Variants in RALYL observed in about 807,000 individuals in gnomAD.
The protein encoded by RALYL is RNA-binding Raly-like protein.
In RALYL, 29 loss-of-function variants were observed where a neutral mutation model predicts 35.1. That is an observed-to-expected ratio of 0.83 (90% confidence interval 0.61 to 1.13). RALYL has a LOEUF of 1.13. Among genes scored for constraint, RALYL ranks in the 50% most tolerant of loss-of-function variants. RALYL has a pLI of 0.00. For synonymous variants in RALYL, 120 were observed against 127.6 expected (o/e 0.94, Z 0.40); for missense variants, 359 against 360.4 (o/e 1.00, Z 0.03).
chr8:84,423,362 G>A (rs1488850181), intron 1 of RALYL, among the ~76,000 whole-genome samples: 1 of 142,010 alleles, frequency 7.0e-6, no homozygotes, highest in African/African-American at 3.0e-5. Flanking sequence ...TCAGAGACTA[G>A]GATTGCAACC....
At chr8:84,371,393 A>C (rs566896873) in intron 1 of RALYL, among the ~76,000 whole-genome samples, 2 of 152,026 alleles carry the variant, frequency 1.3e-5, no homozygotes, top group African/African-American at 4.8e-5. Flanking sequence ...AAAAGCCACA[A>C]CAAAAAACTA....
intron 1 of RALYL, among the ~76,000 whole-genome samples, chr8:84,467,303 C>A (rs1067017): frequency 0.04 from 5,989 of 151,608 alleles, 154 homozygotes; most frequent in Middle Eastern, 0.075. Context: ...TCCCTCTACA[C>A]ACTGCTTTGA....
intron 4 of RALYL, among the ~76,000 whole-genome samples, chr8:84,815,089 A>G (rs912654303): frequency 1.3e-5 from 2 of 152,208 alleles, no homozygotes; most frequent in Non-Finnish European, 2.9e-5. Flanking sequence ...AATCTTCGAA[A>G]TGTAATGTCC....
At chr8:84,405,700 A>C (rs1480759592) in intron 1 of RALYL, among the ~76,000 whole-genome samples, 1 of 152,138 alleles carries the variant, frequency 6.6e-6, no homozygotes, top group Non-Finnish European at 1.5e-5. Context: ...AAGAGAATAG[A>C]ATTGTTTCTT....
intron 1 of RALYL, among the ~76,000 whole-genome samples, chr8:84,394,139 C>T (rs1861290139): frequency 6.6e-6 from 1 of 152,062 alleles, no homozygotes; most frequent in African/African-American, 2.4e-5. Flanking sequence ...CCTTATGTAA[C>T]ATGATTTCAA....
intron 1 of RALYL, among the ~76,000 whole-genome samples, chr8:84,362,832 T>C (rs1456923152): frequency 1.3e-5 from 2 of 152,128 alleles, no homozygotes; most frequent in African/African-American, 4.8e-5. Flanking sequence ...ATTGAAGGCT[T>C]TCTTATTTAA....
intron 1 of RALYL, among the ~76,000 whole-genome samples, chr8:84,202,651 C>T (rs556302251): frequency 1.3e-5 from 2 of 152,116 alleles, no homozygotes; most frequent in Non-Finnish European, 2.9e-5. Context: ...GGATTACAGG[C>T]GTGAGCCACC....
At chr8:84,314,778 T>C (rs982903301) in intron 1 of RALYL, among the ~76,000 whole-genome samples, 8 of 152,154 alleles carry the variant, frequency 5.3e-5, no homozygotes, top group African/African-American at 1.9e-4. Context: ...AAGCGAAATA[T>C]AACAAAATGA....
At position 84,717,924 on chromosome 8, in the gene RALYL, A is replaced by G. The variant is rs568778111; in HGVS notation, c.257-56655A>G. ...TGTAGCTTCATAACAAATAACTATC[A>G]TTGCCATATTTATGTGGTAATAAAA... On this transcript the variant is annotated intron_variant, in intron 2 of 8. Coordinates refer to ENST00000521268, the MANE Select transcript of RALYL (RefSeq NM_173848.7). 2.6e-5 allele frequency among the ~76,000 whole-genome samples: 4 copies of G among 152,230 alleles called. No homozygotes were observed. In the East Asian group the frequency reaches 7.7e-4, roughly 29 times the overall value.
chr8:84,707,786 C>T (rs914380145), intron 2 of RALYL, among the ~76,000 whole-genome samples: 1 of 151,850 alleles, frequency 6.6e-6, no homozygotes, highest in African/African-American at 2.4e-5. Flanking sequence ...CAAATAGAAT[C>T]CTTAAATGAA....
intron 2 of RALYL, among the ~76,000 whole-genome samples, chr8:84,666,292 T>TG (rs1285164340): frequency 1.3e-5 from 2 of 151,994 alleles, no homozygotes; most frequent in Non-Finnish European, 2.9e-5. Context: ...GATGCTCTAT[T>TG]GAAAAAGGGC....
At chr8:84,208,516 C>T (rs189006250) in intron 1 of RALYL, among the ~76,000 whole-genome samples, 2 of 152,152 alleles carry the variant, frequency 1.3e-5, no homozygotes, top group African/African-American at 4.8e-5. Flanking sequence ...TCGGAAGGAG[C>T]GTAAGCTTTC....
chr8:84,412,479 G>C (rs915257053), intron 1 of RALYL, among the ~76,000 whole-genome samples: 1 of 151,760 alleles, frequency 6.6e-6, no homozygotes, highest in African/African-American at 2.4e-5. Context: ...ACATTTTTTG[G>C]TCTGAAGAGA....
At chr8:84,895,508 G>GTGTT (rs1311637395) in intron 8 of RALYL, among the ~76,000 whole-genome samples, 1 of 151,786 alleles carries the variant, frequency 6.6e-6, no homozygotes, top group Non-Finnish European at 1.5e-5. Context: ...TCTGGTTTGT[G>GTGTT]TGTTTGTTTG....
chr8:84,776,763 C>T (rs1047339523), intron 3 of RALYL, among the ~76,000 whole-genome samples: 6 of 152,184 alleles, frequency 3.9e-5, no homozygotes, highest in East Asian at 1.9e-4. Context: ...AATGGAAGCT[C>T]ATGACATGAA....
At chr8:84,273,824 G>T (rs1175285302) in intron 1 of RALYL, among the ~76,000 whole-genome samples, 1 of 152,200 alleles carries the variant, frequency 6.6e-6, no homozygotes, top group Non-Finnish European at 1.5e-5. Flanking sequence ...GTCTCAAGGG[G>T]AGGAATGAGA....
At chr8:84,868,384 G>A (rs1839572479) in intron 6 of RALYL, among the ~76,000 whole-genome samples, 1 of 152,020 alleles carries the variant, frequency 6.6e-6, no homozygotes, top group Non-Finnish European at 1.5e-5. Context: ...GTGGAGTTAG[G>A]GATCTCAGCA....
chr8:84,689,232 C>T lies in RALYL; in HGVS notation c.257-85347C>T, dbSNP rs1291094080. 3.9e-5 allele frequency among the ~76,000 whole-genome samples: 6 copies of T among 152,230 alleles called. No homozygotes were observed. The East Asian group carries it at 7.7e-4, about 20-fold the overall frequency. On this transcript the variant is annotated intron_variant, in intron 2 of 8. Coordinates refer to ENST00000521268, the MANE Select transcript of RALYL (RefSeq NM_173848.7). ...TGCCAATGCTATCCCTCCCCCAACC[C>T]CCGACCGCACAACAGTCCCCAGAGT...
chr8:84,554,680 C>T (rs2135485212), intron 2 of RALYL, among the ~76,000 whole-genome samples: 2 of 152,300 alleles, frequency 1.3e-5, no homozygotes, highest in South Asian at 4.1e-4. Context: ...ACAACACATC[C>T]TATTTCCATA....
Sources: gnomAD v4.1 joint callset for allele counts (sites outside exome capture counted in the v4.1 genomes callset) on GRCh38, gnomAD v4.1.1 for gene constraint, MANE v1.5 for transcripts, NCBI Gene and HGNC (gene_info 2026-07-23, HGNC 2026-07-21) for gene names.